ATG10: variants seen among roughly 807,000 people sequenced by gnomAD.
ATG10 encodes ubiquitin-like-conjugating enzyme ATG10.
In ATG10, 30 loss-of-function variants were observed where a neutral mutation model predicts 32.1. That is an observed-to-expected ratio of 0.94 (90% CI 0.70 to 1.27). ATG10 has a LOEUF of 1.27. Ranked by LOEUF, ATG10 falls within the 50% of genes most tolerant of loss-of-function variation. The pLI is 0.00. For synonymous variants in ATG10, 87 were observed against 91.5 expected (o/e 0.95, Z 0.28); for missense variants, 233 against 262.3 (o/e 0.89, Z 0.77).
At chr5:82,160,829 T>G (rs1728379624) in intron 3 of ATG10, among the ~76,000 whole-genome samples, 1 of 152,214 alleles carries the variant, frequency 6.6e-6, no homozygotes, top group African/African-American at 2.4e-5. Flanking sequence ...TCTTTACTCC[T>G]CCATTTACTT....
chr5:82,012,202 CA>C (rs1351793103), intron 2 of ATG10, among the ~76,000 whole-genome samples: 10 of 152,170 alleles, frequency 6.6e-5, no homozygotes, highest in African/African-American at 2.4e-4. Context: ...TGAATTTCAA[CA>C]GTTTTTCATG....
At chr5:82,017,495 G>A (rs1244196661) in intron 2 of ATG10, among the ~76,000 whole-genome samples, 1 of 152,094 alleles carries the variant, frequency 6.6e-6, no homozygotes, top group Non-Finnish European at 1.5e-5. Flanking sequence ...TTCTCAGGGG[G>A]AATGCTTTCA....
intron 1 of ATG10, chr5:81,972,693 T>G (rs542133618): frequency 6.6e-6 from 1 of 152,350 alleles, no homozygotes; most frequent in East Asian, 1.9e-4. Flanking sequence ...GAGTCCAACT[T>G]AATTTGAAGT....
At chr5:82,136,342 A>G (rs1766747851) in intron 3 of ATG10, among the ~76,000 whole-genome samples, 1 of 152,056 alleles carries the variant, frequency 6.6e-6, no homozygotes, top group Admixed American at 6.6e-5. Context: ...ACAATTTGAT[A>G]TGTTTTTGCA....
intron 2 of ATG10, among the ~76,000 whole-genome samples, chr5:82,001,185 ATT>A (rs1761837047): frequency 1.3e-5 from 2 of 152,240 alleles, no homozygotes; most frequent in South Asian, 4.1e-4. Context: ...AAGAAATAAC[ATT>A]GTTAAAATGG....
chr5:82,165,570 C>T (rs1209252842), intron 4 of ATG10, among the ~76,000 whole-genome samples: 1 of 152,086 alleles, frequency 6.6e-6, no homozygotes, highest in Non-Finnish European at 1.5e-5. Context: ...AGGTGCAGTT[C>T]CTAAGAACTG....
intron 3 of ATG10, among the ~76,000 whole-genome samples, chr5:82,064,176 T>C (rs527376378): frequency 6.6e-6 from 1 of 152,204 alleles, no homozygotes; most frequent in Admixed American, 6.5e-5. Flanking sequence ...AGCAACTGCA[T>C]AAAACAACAT....
chr5:82,099,942 G>T (rs894046105), intron 3 of ATG10, among the ~76,000 whole-genome samples: 2 of 130,154 alleles, frequency 1.5e-5, no homozygotes, highest in African/African-American at 5.4e-5. Context: ...TGTACTAATA[G>T]ATTTTTTTTT....
chr5:82,200,702 TG>T (rs1400132952), intron 5 of ATG10, among the ~76,000 whole-genome samples: 1 of 151,168 alleles, frequency 6.6e-6, no homozygotes, highest in African/African-American at 2.4e-5. Context: ...TTCTTATTGT[TG>T]GGTTTTGACA....
chr5:82,255,460 A>G lies in ATG10; in HGVS notation c.*1397A>G, dbSNP rs894305400. 8 of 152,140 alleles carry G rather than the reference A, an allele frequency of 5.3e-5. No homozygotes were observed. The highest frequency in any genetic ancestry group is 1.0e-4 in the Non-Finnish European group (7 of 68,032). The allele number at this position is 152,140 out of a possible 1,614,324, so 9.4% of individuals were successfully genotyped here. On this transcript the variant is annotated 3_prime_UTR_variant, in exon 8 of 8. Coordinates refer to ENST00000282185, the MANE Select transcript of ATG10 (RefSeq NM_031482.5). The stretch of plus-strand genomic sequence containing the variant: ...GCTAGGAGCTGAAACGAAGATTAAA[A>G]TGTCATTGGCTTTTTAGAGAGTCTA...
At chr5:82,130,518 G>A (rs112471293) in intron 3 of ATG10, among the ~76,000 whole-genome samples, 11 of 152,246 alleles carry the variant, frequency 7.2e-5, no homozygotes, top group Admixed American at 2.0e-4. Context: ...TGCCAAGACC[G>A]TGGGAAGAGT....
chr5:82,103,700 T>C lies in ATG10; in HGVS notation c.216+45098T>C, dbSNP rs142834645. On this transcript the variant is annotated intron_variant, in intron 3 of 7. Transcript: ENST00000282185. ...TCCTTTAGAAACCCATACTCAGTTA[T>C]GAATGTATGCCTTGGGTGGGCTTCA... is the stretch of plus-strand genomic sequence containing the variant. Among the ~76,000 whole-genome samples the C allele has an allele frequency of 6.9e-4, 105 of 152,246 alleles. 1 individual carries two copies. Among genetic ancestry groups the C allele is most frequent in the African/African-American group, 2.5e-3 (103 of 41,560 alleles).
chr5:81,980,044 T>A (rs1010712689), intron 1 of ATG10, among the ~76,000 whole-genome samples: 4 of 152,098 alleles, frequency 2.6e-5, no homozygotes, highest in Non-Finnish European at 5.9e-5. Context: ...AACACGAATG[T>A]GATTTTTTTC....
chr5:82,107,928 G>T (rs904200528), intron 3 of ATG10, among the ~76,000 whole-genome samples: 1 of 151,996 alleles, frequency 6.6e-6, no homozygotes, highest in African/African-American at 2.4e-5. Flanking sequence ...GGAAATTCTA[G>T]ACTGAATGGA....
intron 4 of ATG10, among the ~76,000 whole-genome samples, chr5:82,168,104 C>G (rs527929116): frequency 1.4e-4 from 22 of 151,874 alleles, no homozygotes; most frequent in African/African-American, 4.1e-4. Flanking sequence ...GTTTTTGAAG[C>G]ATACCATATT....
chr5:82,124,456 C>G (rs1020956114), intron 3 of ATG10, among the ~76,000 whole-genome samples: 1 of 151,724 alleles, frequency 6.6e-6, no homozygotes, highest in Non-Finnish European at 1.5e-5. Flanking sequence ...CATTGTCCCC[C>G]ACCCCCAAAC....
chr5:82,118,401 T>TATATATATATATATATATATATATAC (rs1765911817), intron 3 of ATG10, among the ~76,000 whole-genome samples: 2 of 94,902 alleles, frequency 2.1e-5, no homozygotes, highest in South Asian at 8.7e-4. Flanking sequence ...TATATATATA[T>TATATATATATATATATATATATATAC]ATATGTATGT....
At chr5:82,064,309 T>A (rs979437140) in intron 3 of ATG10, among the ~76,000 whole-genome samples, 7 of 152,212 alleles carry the variant, frequency 4.6e-5, no homozygotes, top group Non-Finnish European at 1.0e-4. Flanking sequence ...ATACATCATC[T>A]TTTGATCCTA....
At chr5:82,097,057 T>G (rs1439366834) in intron 3 of ATG10, among the ~76,000 whole-genome samples, 3 of 152,146 alleles carry the variant, frequency 2.0e-5, no homozygotes, top group Non-Finnish European at 4.4e-5. Flanking sequence ...TAATCTCCCA[T>G]AAAATTATGG....
Sources: allele counts gnomAD v4.1 joint callset (sites outside exome capture counted in the v4.1 genomes callset), GRCh38; gene constraint gnomAD v4.1.1; transcripts MANE v1.5; gene names NCBI Gene and HGNC (gene_info 2026-07-23, HGNC 2026-07-21).